Variants in GANC observed in about 807,000 individuals in gnomAD.
The protein encoded by GANC is glucosidase alpha, neutral C.
In GANC, 117 loss-of-function variants were observed where a neutral mutation model predicts 124.2. That is an observed-to-expected ratio of 0.94 (90% CI 0.81 to 1.10). The LOEUF (loss-of-function observed/expected upper bound fraction) is 1.10, where lower values mean the gene tolerates loss of function less well. Ranked by LOEUF, GANC falls within the 50% of genes least tolerant of loss-of-function variation. The pLI, the probability that GANC is intolerant of heterozygous loss-of-function variation, is 0.00. For missense variants in GANC, 1,140 were observed against 1,095.0 expected (o/e 1.04, Z -0.58); for synonymous variants, 377 against 376.8 (o/e 1.00, Z -0.01).
rs2052164113 is a variant in GANC at position 42,322,093 on chromosome 15, A to C, written c.1293+73A>C. The C allele has an allele frequency of 6.6e-6, 8 of 1,217,252 alleles. No individual in the cohort carries two copies. In the East Asian group the frequency reaches 2.0e-4, roughly 31 times the overall value. 75.4% of individuals were successfully genotyped at this position (1,217,252 alleles called of 1,614,324 possible). A position where few individuals can be genotyped will look rare whatever the true frequency, so the allele number is the denominator to read the frequency against. On this transcript the variant is annotated intron_variant, in intron 11 of 23. Coordinates refer to ENST00000318010, the MANE Select transcript of GANC (RefSeq NM_198141.3). The stretch of plus-strand genomic sequence containing the variant: ...AAATGTTTTAGACTTGCCTTGGCAC[A>C]TCAGTGGTGGAGAAACATCTGATAA...
intron 1 of GANC, among the ~76,000 whole-genome samples, chr15:42,276,109 A>G (rs1158826195): frequency 6.6e-6 from 1 of 152,104 alleles, no homozygotes; most frequent in Non-Finnish European, 1.5e-5. Context: ...TTTTCCCATT[A>G]CTTTTGGAGT....
intron 19 of GANC, among the ~76,000 whole-genome samples, chr15:42,343,723 G>A (rs954765516): frequency 1.6e-4 from 24 of 152,308 alleles, no homozygotes; most frequent in Non-Finnish European, 3.1e-4. Context: ...GCAGGGCACA[G>A]GGGAGAGGAG....
At chr15:42,335,137 T>G (rs1360773314) in intron 15 of GANC, among the ~76,000 whole-genome samples, 1 of 152,164 alleles carries the variant, frequency 6.6e-6, no homozygotes, top group Non-Finnish European at 1.5e-5. Context: ...ATCATCCTGA[T>G]GCCAAAACCT....
chr15:42,315,850 C>A (rs970521073), intron 10 of GANC, among the ~76,000 whole-genome samples: 1 of 152,120 alleles, frequency 6.6e-6, no homozygotes, highest in African/African-American at 2.4e-5. Context: ...AGCCTGCCTT[C>A]AGGCTCAAGC....
At chr15:42,350,326 A>G (rs112928570) in intron 22 of GANC, among the ~76,000 whole-genome samples, 14,749 of 151,884 alleles carry the variant, frequency 0.097, 865 homozygotes, top group South Asian at 0.19. Context: ...CACTCCGCCC[A>G]TCTCCCCGAC....
chr15:42,319,153 T>C (rs1315244549), intron 10 of GANC, among the ~76,000 whole-genome samples: 2 of 152,162 alleles, frequency 1.3e-5, no homozygotes, highest in Admixed American at 1.3e-4. Flanking sequence ...CTCTTTCTTA[T>C]CCTCTGATGG....
chr15:42,274,505 A>C lies in GANC; in HGVS notation c.24A>C (p.Glu8Asp). The stretch of plus-strand genomic sequence containing the variant: ...CCATGGAAGCAGCAGTGAAAGAGGA[A>C]ATAAGGTAAAGGCCAAGTGCTTCTG... MEAAVKEEISLEDEAVDK... is the reference protein window; with the variant it reads MEAAVKEDISLEDEAVDK... Residue 8 changes from glutamate to aspartate, a missense_variant, in exon 1 of 24, where the codon GAA (glutamate) becomes GAC (aspartate). Glu to Asp is a conservative substitution (Grantham distance 45, BLOSUM62 2). Transcript: ENST00000318010. 1 of 1,609,826 alleles carries C rather than the reference A, an allele frequency of 6.2e-7. No homozygotes were observed. The highest frequency in any genetic ancestry group is 8.5e-7 in the Non-Finnish European group (1 of 1,178,242).
At chr15:42,319,557 G>T (rs1257048064) in intron 10 of GANC, among the ~76,000 whole-genome samples, 2 of 151,666 alleles carry the variant, frequency 1.3e-5, no homozygotes, top group Admixed American at 6.6e-5. Flanking sequence ...ATGGGGTCTT[G>T]CTCTGTTGCC....
chr15:42,303,678 A>AAAAG (rs2051968128), intron 6 of GANC, among the ~76,000 whole-genome samples: 1 of 151,322 alleles, frequency 6.6e-6, no homozygotes, highest in African/African-American at 2.4e-5. Flanking sequence ...AAGAAAAAAA[A>AAAAG]AAAAAAAGAA....
At chr15:42,305,108 A>G (rs948042772) in intron 6 of GANC, among the ~76,000 whole-genome samples, 3 of 152,226 alleles carry the variant, frequency 2.0e-5, no homozygotes, top group Admixed American at 1.3e-4. Context: ...AAATTGACAA[A>G]TGGGATCTGA....
At chr15:42,314,422 G>T in intron 10 of GANC, 1 of 363,112 alleles carries the variant, frequency 2.8e-6, no homozygotes, top group Non-Finnish European at 5.1e-6. Context: ...TGTGCGTATA[G>T]TGGGGATTTC....
In GANC at chr15:42,338,425, G is replaced by A; in HGVS notation, c.1778G>A (p.Ser593Asn). ...ACAGGCGACAACACAGCAGAATGGA[G>A]CAACTTGAAAATTTCTATCCCAATG... ...VWTGDNTAEW[S>N]NLKISIPMLL... Residue 593 changes from serine to asparagine, a missense_variant, in exon 16 of 24, where the codon AGC becomes AAC. Physicochemically the swap from Ser to Asn is conservative, Grantham distance 46. Coordinates refer to ENST00000318010, the MANE Select transcript of GANC (RefSeq NM_198141.3). The A allele has an allele frequency of 1.9e-6, 3 of 1,614,072 alleles. No homozygotes were observed. The highest frequency in any genetic ancestry group is 2.5e-6 in the Non-Finnish European group (3 of 1,179,960).
chr15:42,291,741 T>C (rs1024132105), intron 4 of GANC, among the ~76,000 whole-genome samples: 1 of 152,172 alleles, frequency 6.6e-6, no homozygotes, highest in Non-Finnish European at 1.5e-5. Context: ...AGGACCCATG[T>C]AGTACTCAAA....
intron 14 of GANC, among the ~76,000 whole-genome samples, chr15:42,329,730 C>T (rs2052227263): frequency 6.6e-6 from 1 of 152,124 alleles, no homozygotes; most frequent in Non-Finnish European, 1.5e-5. Flanking sequence ...ATAAGTGGCA[C>T]TCACTGGCCA....
chr15:42,340,775 T>TG (rs1566961268), intron 18 of GANC, 21 bp downstream of exon 18: 1 of 1,583,386 alleles, frequency 6.3e-7, no homozygotes, highest in East Asian at 2.2e-5. Context: ...CTGTTTTTTT[T>TG]TTTTTTTTTG....
At position 42,302,523 on chromosome 15, in the gene GANC, A is replaced by G. The variant is rs1224626697; in HGVS notation, c.559-4023A>G. Among the ~76,000 whole-genome samples, 4 of 152,302 alleles carry G rather than the reference A, an allele frequency of 2.6e-5. No homozygotes were observed. The East Asian group carries it at 7.7e-4, about 29-fold the overall frequency. On this transcript the variant is annotated intron_variant, in intron 6 of 23. Transcript: ENST00000318010. ...TGAGTTTGACAAATTGACAGAAAGT[A>G]GGCTTCAGAAGGTGGGTAATAACAA...
At chr15:42,279,054 A>G (rs6493033) in intron 3 of GANC, among the ~76,000 whole-genome samples, 21,485 of 152,154 alleles carry the variant, frequency 0.14, 2,493 homozygotes, top group African/African-American at 0.3. Context: ...TACTAATAAT[A>G]TTGTAATAGG....
Position 42,353,033 on chromosome 15 carries a change from T to C in GANC, c.*894T>C, listed in dbSNP as rs1566963863. ...ATCAGAATTAATGCAAAAAAAACCA[T>C]GATGAACAAAATATTAAAATTTAAA... On this transcript the variant is annotated 3_prime_UTR_variant, in exon 24 of 24. Coordinates refer to ENST00000318010, the MANE Select transcript of GANC (RefSeq NM_198141.3). The C allele has an allele frequency of 6.0e-6, 5 of 830,924 alleles. No individual in the cohort carries two copies. The highest frequency in any genetic ancestry group is 1.2e-4 in the East Asian group (1 of 8,122). The allele number at this position is 830,924 out of a possible 1,614,324, so 51.5% of individuals were successfully genotyped here.
intron 19 of GANC, among the ~76,000 whole-genome samples, chr15:42,345,345 C>G (rs920211842): frequency 4.6e-5 from 7 of 151,556 alleles, no homozygotes; most frequent in Non-Finnish European, 1.0e-4. Flanking sequence ...TGCTTGTCTT[C>G]TTTGTTGTTT....
Sources: allele counts gnomAD v4.1 joint callset (sites outside exome capture counted in the v4.1 genomes callset), GRCh38; gene constraint gnomAD v4.1.1; transcripts MANE v1.5; gene names NCBI Gene and HGNC (gene_info 2026-07-23, HGNC 2026-07-21).